Variants in ADCY5 observed in about 807,000 individuals in gnomAD.
The protein encoded by ADCY5 is adenylate cyclase 5, also known as adenylate cyclase type 5.
In ADCY5, 30 loss-of-function variants were observed where a neutral mutation model predicts 119.7. That is an observed-to-expected ratio of 0.25 (90% CI 0.19 to 0.34). The LOEUF (loss-of-function observed/expected upper bound fraction) is 0.34. ADCY5 is among the 10% of genes least tolerant of loss of function. The pLI is 1.00. For missense variants in ADCY5, 1,324 were observed against 1,775.2 expected (o/e 0.75, Z 4.57); for synonymous variants, 753 against 762.2 (o/e 0.99, Z 0.20).
intron 8 of ADCY5, among the ~76,000 whole-genome samples, chr3:123,324,083 G>C (rs959188005): frequency 6.6e-6 from 1 of 152,178 alleles, no homozygotes; most frequent in Non-Finnish European, 1.5e-5. Flanking sequence ...CCACTCTGCT[G>C]TCTGGTAACC....
chr3:123,359,331 A>ATAT (rs1943154404), intron 1 of ADCY5, among the ~76,000 whole-genome samples: 2 of 109,766 alleles, frequency 1.8e-5, no homozygotes, highest in Admixed American at 1.0e-4. Context: ...CTTATACTAA[A>ATAT]ATATATATAT....
At chr3:123,425,478 G>C (rs1047339511) in intron 1 of ADCY5, among the ~76,000 whole-genome samples, 1 of 152,218 alleles carries the variant, frequency 6.6e-6, no homozygotes, top group Non-Finnish European at 1.5e-5. Flanking sequence ...GTGTTCCACT[G>C]CATGTGTGCA....
intron 9 of ADCY5, among the ~76,000 whole-genome samples, chr3:123,320,520 C>T (rs1941163484): frequency 1.3e-5 from 2 of 152,208 alleles, no homozygotes; most frequent in East Asian, 3.9e-4. Flanking sequence ...ATAAAATGGG[C>T]AGTGCTGAGG....
At chr3:123,312,961 G>C (rs1012097708) in intron 12 of ADCY5, among the ~76,000 whole-genome samples, 1 of 139,796 alleles carries the variant, frequency 7.2e-6, no homozygotes, top group African/African-American at 3.3e-5. Context: ...CTGAACATGG[G>C]GCAGGAGGGA....
chr3:123,357,751 G>A (rs1943089915), intron 1 of ADCY5, among the ~76,000 whole-genome samples: 2 of 152,142 alleles, frequency 1.3e-5, no homozygotes, highest in Admixed American at 1.3e-4. Context: ...GCAGGAATCT[G>A]GGCACCAGGT....
intron 1 of ADCY5, among the ~76,000 whole-genome samples, chr3:123,412,960 C>T (rs557758361): frequency 3.3e-5 from 5 of 152,324 alleles, no homozygotes; most frequent in South Asian, 4.1e-4. Context: ...ATAGAGCAGG[C>T]GGCACAGGCC....
At chr3:123,399,592 G>A (rs1008726125) in intron 1 of ADCY5, among the ~76,000 whole-genome samples, 1 of 151,832 alleles carries the variant, frequency 6.6e-6, no homozygotes, top group African/African-American at 2.4e-5. Context: ...GTACATTATT[G>A]TTAACTATAT....
In ADCY5 at chr3:123,437,855, T is replaced by C. The variant is rs533187004; in HGVS notation, c.1134+9557A>G. The stretch of plus-strand genomic sequence containing the variant: ...GGGTCATTGTGCAGACCCAACCTCT[T>C]CCGATGTCTAACAACAGCAGAAAAT... On this transcript the variant is annotated intron_variant, in intron 1 of 20. Transcript: ENST00000462833. Among the ~76,000 whole-genome samples, 3 of 152,284 alleles carry C rather than the reference T, an allele frequency of 2.0e-5. No homozygotes were observed. In the East Asian group the frequency reaches 5.8e-4, roughly 29 times the overall value.
intron 1 of ADCY5, among the ~76,000 whole-genome samples, chr3:123,365,389 A>G (rs1248969356): frequency 6.6e-6 from 1 of 152,222 alleles, no homozygotes; most frequent in African/African-American, 2.4e-5. Flanking sequence ...GAGGCAGTGA[A>G]GAGGAAGATG....
At chr3:123,332,749 CT>C (rs1345791431) in intron 3 of ADCY5, 74 bp from the exon 4 acceptor site, 11 of 981,218 alleles carry the variant, frequency 1.1e-5, no homozygotes, top group East Asian at 2.6e-5. Flanking sequence ...TACATTACAT[CT>C]TTTTTTTCTT....
intron 12 of ADCY5, among the ~76,000 whole-genome samples, 170 bp from the exon 13 acceptor site, chr3:123,304,353 C>T (rs1210408580): frequency 2.0e-5 from 3 of 152,166 alleles, no homozygotes; most frequent in South Asian, 2.1e-4. Context: ...AGCCTTGAAC[C>T]GCTGCACCAT....
chr3:123,378,442 C>T (rs79775021), intron 1 of ADCY5, among the ~76,000 whole-genome samples: 4,133 of 152,148 alleles, frequency 0.027, 186 homozygotes, highest in African/African-American at 0.091. Context: ...GCAGAGAAGG[C>T]TCAAGGGGAA....
intron 1 of ADCY5, among the ~76,000 whole-genome samples, chr3:123,403,688 A>G (rs1944833104): frequency 1.3e-5 from 2 of 152,202 alleles, no homozygotes; most frequent in Non-Finnish European, 2.9e-5. Flanking sequence ...ACATCACTCA[A>G]AAACTCCTGG....
At chr3:123,335,617 A>T (rs971232167) in intron 3 of ADCY5, among the ~76,000 whole-genome samples, 5 of 152,096 alleles carry the variant, frequency 3.3e-5, no homozygotes, top group African/African-American at 4.8e-5. Flanking sequence ...GGGAGGTGGG[A>T]GGACCCCTGG....
intron 1 of ADCY5, among the ~76,000 whole-genome samples, chr3:123,390,050 C>T (rs1036446556): frequency 9.9e-5 from 15 of 152,128 alleles, no homozygotes; most frequent in African/African-American, 2.4e-4. Flanking sequence ...CAGGTGTTCC[C>T]GGTGATGGGG....
chr3:123,314,390 T>TGTG, intron 11 of ADCY5, 68 bp from the exon 12 acceptor site: 1 of 1,319,326 alleles, frequency 7.6e-7, no homozygotes, highest in Non-Finnish European at 1.1e-6. Flanking sequence ...CTGGGGGACC[T>TGTG]GCCTGGCAAG....
intron 1 of ADCY5, among the ~76,000 whole-genome samples, chr3:123,396,763 AAGGAAGGAAGGAAGGAAGGC>A (rs1170123740): frequency 2.7e-4 from 24 of 89,272 alleles, no homozygotes; most frequent in East Asian, 1.2e-3. Flanking sequence ...GGAAGGAAGG[AAGGAAGGAAGGAAGGAAGGC>A]AGGCAGGCAG....
rs1465632820 is a variant in ADCY5 at position 123,284,785 on chromosome 3, A to G, written c.3658-49T>C. The G allele has an allele frequency of 4.3e-6, 7 of 1,612,300 alleles. No individual in the cohort carries two copies. The Admixed American group carries it at 6.7e-5, about 15-fold the overall frequency. On this transcript the variant is annotated intron_variant, in intron 20 of 20. Coordinates refer to ENST00000462833, the MANE Select transcript of ADCY5 (RefSeq NM_183357.3). ...GGGCAAGCCACTGATGGCCTTGGCC[A>G]TGAACTGCTGTGGGGTAGAGCCACC...
rs749129690 is a variant in ADCY5 at position 123,328,807 on chromosome 3, G to A, written c.1647-5C>T. 4 of 1,613,968 alleles carry A rather than the reference G, an allele frequency of 2.5e-6. No individual in the cohort carries two copies. The East Asian group carries it at 8.9e-5, about 36-fold the overall frequency. ...CCTGTCACCTCCCGGACCAACCTGG[G>A]GATGGAGCAGGAGTAAAGCTGGGAG... On this transcript the variant is annotated splice_polypyrimidine_tract_variant and splice_region_variant and intron_variant, in intron 5 of 20. Coordinates refer to ENST00000462833, the MANE Select transcript of ADCY5 (RefSeq NM_183357.3).
Sources: gnomAD v4.1 joint callset for allele counts (sites outside exome capture counted in the v4.1 genomes callset) on GRCh38, gnomAD v4.1.1 for gene constraint, MANE v1.5 for transcripts, NCBI Gene and HGNC (gene_info 2026-07-23, HGNC 2026-07-21) for gene names.